The following EPB41 variants were observed in gnomAD, a reference collection of about 807,000 sequenced individuals.
EPB41 encodes protein 4.1.
EPB41 carries 65 observed loss-of-function variants against 108.0 expected under a neutral mutation model. The ratio of observed to expected loss-of-function variants is 0.60; its 90% CI spans 0.49 to 0.74. The LOEUF (loss-of-function observed/expected upper bound fraction) is 0.74. Among genes scored for constraint, EPB41 ranks in the 30% least tolerant of loss-of-function variants. The pLI is 0.00. For synonymous variants in EPB41, 336 were observed against 358.9 expected (o/e 0.94, Z 0.72); for missense variants, 875 against 1,037.0 (o/e 0.84, Z 2.15).
At chr1:28,988,876 T>C (rs1271696269) in intron 2 of EPB41, among the ~76,000 whole-genome samples, 1 of 151,918 alleles carries the variant, frequency 6.6e-6, no homozygotes, top group African/African-American at 2.4e-5. Context: ...AATCAAAGAA[T>C]AGTAGAGAAA....
intron 1 of EPB41, among the ~76,000 whole-genome samples, chr1:28,961,243 G>T (rs2095201757): frequency 6.6e-6 from 1 of 151,998 alleles, no homozygotes; most frequent in South Asian, 2.1e-4. Context: ...GCCAAAAGGG[G>T]CTTTCCTATA....
chr1:28,980,291 T>C (rs2095707315), intron 1 of EPB41, among the ~76,000 whole-genome samples: 2 of 152,202 alleles, frequency 1.3e-5, no homozygotes, highest in South Asian at 4.1e-4. Context: ...TGAGCTGAGA[T>C]TATGCCATTG....
intron 1 of EPB41, among the ~76,000 whole-genome samples, chr1:28,919,671 T>C (rs1275221867): frequency 6.6e-6 from 1 of 152,110 alleles, no homozygotes; most frequent in Non-Finnish European, 1.5e-5. Flanking sequence ...GCCAGGCTGG[T>C]CTTGAACTCC....
Position 28,958,553 on chromosome 1 carries a change from T to C in EPB41, c.-7-28878T>C, listed in dbSNP as rs541673179. Among the ~76,000 whole-genome samples, 8 of 152,218 alleles carry C rather than the reference T, an allele frequency of 5.3e-5. No homozygotes were observed. In the East Asian group the frequency reaches 1.5e-3, roughly 29 times the overall value. On this transcript the variant is annotated intron_variant, in intron 1 of 20. Transcript: ENST00000343067. ...GGGGCTGGGCACAGTAGCTCACGTC[T>C]GTAATCCCAGCACTTTGGGAGGCCG...
intron 16 of EPB41, among the ~76,000 whole-genome samples, chr1:29,095,268 A>T (rs1415741243): frequency 6.6e-6 from 1 of 152,220 alleles, no homozygotes; most frequent in Non-Finnish European, 1.5e-5. Context: ...TCTGTGAAGA[A>T]ATACATCTCA....
intron 20 of EPB41, among the ~76,000 whole-genome samples, chr1:29,116,308 C>T (rs1670938429): frequency 6.6e-6 from 1 of 152,094 alleles, no homozygotes; most frequent in African/African-American, 2.4e-5. Flanking sequence ...GCCACCATGC[C>T]CAGCTAATTT....
chr1:29,063,619 C>G (rs1331349520), intron 15 of EPB41, among the ~76,000 whole-genome samples: 1 of 152,114 alleles, frequency 6.6e-6, no homozygotes, highest in East Asian at 1.9e-4. Flanking sequence ...TAATTTTTTA[C>G]CCCAATACAG....
At chr1:28,978,178 C>T (rs2095653362) in intron 1 of EPB41, among the ~76,000 whole-genome samples, 1 of 151,290 alleles carries the variant, frequency 6.6e-6, no homozygotes, top group African/African-American at 2.5e-5. Context: ...TTCATTTATT[C>T]TTATGTTCGG....
chr1:29,010,626 TC>T (rs570570566), intron 4 of EPB41, among the ~76,000 whole-genome samples: 164 of 152,322 alleles, frequency 1.1e-3, no homozygotes, highest in African/African-American at 3.6e-3. Context: ...GAGGTTCTTT[TC>T]CAGTGCCCTT....
At chr1:29,112,858 C>T (rs181795741) in intron 19 of EPB41, among the ~76,000 whole-genome samples, 89 of 152,080 alleles carry the variant, frequency 5.9e-4, no homozygotes, top group African/African-American at 2.0e-3. Context: ...ATTGTTATTC[C>T]GAAGGTAAAG....
chr1:29,054,709 G>C (rs2150788311), intron 12 of EPB41, among the ~76,000 whole-genome samples: 1 of 152,218 alleles, frequency 6.6e-6, no homozygotes, highest in African/African-American at 2.4e-5. Context: ...AACTAGCTGG[G>C]TATGGTGACG....
intron 11 of EPB41, among the ~76,000 whole-genome samples, chr1:29,047,999 G>C (rs1445394572): frequency 6.6e-6 from 1 of 151,662 alleles, no homozygotes; most frequent in Non-Finnish European, 1.5e-5. Flanking sequence ...GGTCAGGCTG[G>C]TCTCTACCTC....
intron 9 of EPB41, among the ~76,000 whole-genome samples, chr1:29,033,462 C>T (rs1455980460): frequency 6.6e-6 from 1 of 152,096 alleles, no homozygotes; most frequent in African/African-American, 2.4e-5. Context: ...AGTAAATATA[C>T]CATTGCAAAA....
chr1:29,051,382 A>G (rs1373699592), intron 11 of EPB41, among the ~76,000 whole-genome samples: 1 of 151,674 alleles, frequency 6.6e-6, no homozygotes, highest in African/African-American at 2.4e-5. Context: ...TACAGGTGTG[A>G]GCCACCGTGC....
intron 12 of EPB41, among the ~76,000 whole-genome samples, chr1:29,057,373 C>CAAAAAAAAAAAAAA (rs72047998): frequency 1.5e-5 from 1 of 65,294 alleles, no homozygotes; most frequent in African/African-American, 5.3e-5. Flanking sequence ...GACTCTGTCT[C>CAAAAAAAAAAAAAA]AAAAAAAAAA....
chr1:29,096,738 G>T, intron 16 of EPB41: 1 of 284,204 alleles, frequency 3.5e-6, no homozygotes, highest in South Asian at 1.4e-4. Context: ...CAGACTAAAA[G>T]CCTTTGATTG....
intron 4 of EPB41, among the ~76,000 whole-genome samples, chr1:29,002,842 A>G (rs1393497307): frequency 6.6e-6 from 1 of 152,238 alleles, no homozygotes; most frequent in Non-Finnish European, 1.5e-5. Context: ...ACCAAGTAAT[A>G]GGAAAAAGCT....
intron 1 of EPB41, among the ~76,000 whole-genome samples, chr1:28,968,417 C>T (rs2095413927): frequency 6.6e-6 from 1 of 152,044 alleles, no homozygotes; most frequent in South Asian, 2.1e-4. Flanking sequence ...ATAATATCCC[C>T]ACTCTTCATG....
chr1:29,016,333 G>A (rs535212664), intron 6 of EPB41, among the ~76,000 whole-genome samples: 38 of 147,928 alleles, frequency 2.6e-4, no homozygotes, highest in Admixed American at 2.4e-3. Context: ...GCACCACCAC[G>A]CCCTGCTAAT....
Sources: gnomAD v4.1 joint callset for allele counts (sites outside exome capture counted in the v4.1 genomes callset) on GRCh38, gnomAD v4.1.1 for gene constraint, MANE v1.5 for transcripts, NCBI Gene and HGNC (gene_info 2026-07-23, HGNC 2026-07-21) for gene names.